The following DLGAP2 variants were observed in gnomAD, a reference collection of about 807,000 sequenced individuals.
DLGAP2 encodes the protein disks large-associated protein 2.
Under a neutral mutation model 100.3 loss-of-function variants are expected in DLGAP2, and 26 were observed. The observed-to-expected ratio is 0.26, with a 90% CI of 0.19 to 0.36. The LOEUF (loss-of-function observed/expected upper bound fraction) is 0.36, where lower values mean the gene tolerates loss of function less well. DLGAP2 is among the 10% of genes least tolerant of loss of function. DLGAP2 has a pLI of 1.00. For missense variants in DLGAP2, 1,858 were observed against 1,453.2 expected, an observed-to-expected ratio of 1.28 and a Z score of -4.53; for synonymous variants, 886 against 630.1, an observed-to-expected ratio of 1.41 and a Z score of -6.08.
At chr8:1,060,999 C>A (rs2129035090) in intron 2 of DLGAP2, among the ~76,000 whole-genome samples, 1 of 152,332 alleles carries the variant, frequency 6.6e-6, no homozygotes, top group East Asian at 1.9e-4. Context: ...ATTGGTGAAC[C>A]ATGGATACTT....
intron 3 of DLGAP2, among the ~76,000 whole-genome samples, chr8:1,278,694 A>T (rs1585217477): frequency 6.6e-6 from 1 of 152,190 alleles, no homozygotes; most frequent in Non-Finnish European, 1.5e-5. Flanking sequence ...CCTCTTATCT[A>T]TATGTTTTAG....
intron 8 of DLGAP2, among the ~76,000 whole-genome samples, chr8:1,665,385 C>G (rs1439079399): frequency 6.6e-6 from 1 of 152,180 alleles, no homozygotes; most frequent in Non-Finnish European, 1.5e-5. Flanking sequence ...TACTTCCTCC[C>G]TGTTGCATTT....
intron 2 of DLGAP2, among the ~76,000 whole-genome samples, chr8:935,735 C>T (rs1388243929): frequency 6.6e-6 from 1 of 152,174 alleles, no homozygotes; most frequent in African/African-American, 2.4e-5. Context: ...GCCGTGCGTC[C>T]TGCTCTAGTT....
In DLGAP2 at chr8:1,102,720, G is replaced by C. The variant is rs149225753; in HGVS notation, c.74-156131G>C. Among the ~76,000 whole-genome samples, 1,207 of 152,270 alleles carry C rather than the reference G, an allele frequency of 7.9e-3. 14 individuals are homozygous for C. Among genetic ancestry groups the C allele is most frequent in the Non-Finnish European group, 0.011 (773 of 68,028 alleles). On this transcript the variant is annotated intron_variant, in intron 2 of 14. Coordinates refer to ENST00000637795, the MANE Select transcript of DLGAP2 (RefSeq NM_001346810.2). ...TGCGTGGGGGGATTTAGGCACCTTT[G>C]CGTCTGCACTCAGGAGCCTGGTGTC...
intron 2 of DLGAP2, among the ~76,000 whole-genome samples, chr8:1,233,023 A>G (rs1798569999): frequency 6.6e-6 from 1 of 152,222 alleles, no homozygotes; most frequent in African/African-American, 2.4e-5. Flanking sequence ...GAATAGAACC[A>G]TCTGGCATTG....
At chr8:838,699 C>T (rs1304358758) in intron 1 of DLGAP2, among the ~76,000 whole-genome samples, 1 of 152,044 alleles carries the variant, frequency 6.6e-6, no homozygotes, top group African/African-American at 2.4e-5. Flanking sequence ...ACTTCTTTTA[C>T]TGCAAACAGG....
At chr8:1,672,070 T>A (rs1482662374) in intron 10 of DLGAP2, among the ~76,000 whole-genome samples, 2 of 152,234 alleles carry the variant, frequency 1.3e-5, no homozygotes, top group African/African-American at 4.8e-5. Flanking sequence ...TGCATGTGTG[T>A]GTTTGGGGAA....
In DLGAP2 at chr8:1,681,410, A is replaced by T. The variant is rs573712175; in HGVS notation, c.2704+2781A>T. 3.9e-5 allele frequency among the ~76,000 whole-genome samples: 6 copies of T among 152,180 alleles called. No individual in the cohort carries two copies. The East Asian group carries it at 1.2e-3, about 29-fold the overall frequency. Reference sequence around the variant, plus strand: ...CACTTTGTGAGGCTGAGGCGGGAGGACTGCTTGTGCCCAGGAGTTTTAGAC... The same window carrying T: ...CACTTTGTGAGGCTGAGGCGGGAGGTCTGCTTGTGCCCAGGAGTTTTAGAC... On this transcript the variant is annotated intron_variant, in intron 12 of 14. Coordinates refer to ENST00000637795, the MANE Select transcript of DLGAP2 (RefSeq NM_001346810.2).
intron 1 of DLGAP2, among the ~76,000 whole-genome samples, chr8:893,341 G>A (rs1406077171): frequency 6.6e-6 from 1 of 152,208 alleles, no homozygotes; most frequent in Non-Finnish European, 1.5e-5. Flanking sequence ...GAACTGCTGG[G>A]TGCCTTTTGA....
At chr8:1,679,979 CA>C (rs760100523) in intron 12 of DLGAP2, among the ~76,000 whole-genome samples, 2,734 of 63,418 alleles carry the variant, frequency 0.043, 18 homozygotes, top group Middle Eastern at 0.074. Context: ...GACTCTGTCT[CA>C]AAAAAAAAAA....
chr8:1,242,786 G>T (rs11136368), intron 2 of DLGAP2, among the ~76,000 whole-genome samples: 28,426 of 152,024 alleles, frequency 0.19, 3,051 homozygotes, highest in Non-Finnish European at 0.25. Flanking sequence ...ATGGATAGAC[G>T]GACAGATAGA....
chr8:854,645 G>A (rs1502993), intron 1 of DLGAP2, among the ~76,000 whole-genome samples: 56 of 152,338 alleles, frequency 3.7e-4, no homozygotes, highest in Admixed American at 1.6e-3. Flanking sequence ...TTTTGTGTGT[G>A]CATGTGTCTG....
chr8:817,669 G>C (rs1796507181), intron 1 of DLGAP2, among the ~76,000 whole-genome samples: 1 of 152,164 alleles, frequency 6.6e-6, no homozygotes, highest in African/African-American at 2.4e-5. Context: ...CCTTGATGTG[G>C]TGTTCTCCCC....
chr8:836,010 G>GT (rs1228918021), intron 1 of DLGAP2, among the ~76,000 whole-genome samples: 1 of 152,152 alleles, frequency 6.6e-6, no homozygotes, highest in Non-Finnish European at 1.5e-5. Context: ...AAGACTTTTT[G>GT]TCCATGAGTG....
chr8:1,191,167 A>G (rs1797625750), intron 2 of DLGAP2, among the ~76,000 whole-genome samples: 1 of 143,336 alleles, frequency 7.0e-6, no homozygotes, highest in South Asian at 2.2e-4. Context: ...CAATATAAGT[A>G]GATACATTTT....
chr8:937,687 G>C lies in DLGAP2; in HGVS notation c.73+29721G>C, dbSNP rs150525328. Among the ~76,000 whole-genome samples, 36 of 152,308 alleles carry C rather than the reference G, an allele frequency of 2.4e-4. 1 individual carries two copies. Among genetic ancestry groups the C allele is most frequent in the African/African-American group, 8.2e-4 (34 of 41,570 alleles). ...TGCCCAACTGCCTCGCTGGGTGCCA[G>C]GTGGAGCTTGGATGGGACAGGGTCT... On this transcript the variant is annotated intron_variant, in intron 2 of 14. Coordinates refer to ENST00000637795, the MANE Select transcript of DLGAP2 (RefSeq NM_001346810.2).
At chr8:1,647,321 C>T (rs1798062378) in intron 8 of DLGAP2, among the ~76,000 whole-genome samples, 1 of 151,732 alleles carries the variant, frequency 6.6e-6, no homozygotes, top group Admixed American at 6.6e-5. Flanking sequence ...CCCATCTCTA[C>T]TAAACAAAAC....
In DLGAP2 at chr8:976,537, G is replaced by A. The variant is rs566128815; in HGVS notation, c.73+68571G>A. On this transcript the variant is annotated intron_variant, in intron 2 of 14. Transcript: ENST00000637795. ...TGAGGCAGGCGAATGGCGTGAACCC[G>A]GGAGGTGGAGCTTGCAGTGAGGCGA... 1.9e-4 allele frequency among the ~76,000 whole-genome samples: 29 copies of A among 152,246 alleles called. 1 individual carries two copies. In the South Asian group the frequency reaches 5.2e-3, roughly 27 times the overall value.
intron 3 of DLGAP2, among the ~76,000 whole-genome samples, chr8:1,322,790 C>T (rs1362983549): frequency 1.3e-5 from 2 of 152,220 alleles, no homozygotes; most frequent in Non-Finnish European, 2.9e-5. Flanking sequence ...GCATCAGGGC[C>T]TTCTCTGATA....
Sources: allele counts gnomAD v4.1 joint callset (sites outside exome capture counted in the v4.1 genomes callset), GRCh38; gene constraint gnomAD v4.1.1; transcripts MANE v1.5; gene names NCBI Gene and HGNC (gene_info 2026-07-23, HGNC 2026-07-21).